XKR9: variants seen among roughly 807,000 people sequenced by gnomAD.
XKR9 encodes the protein XK-related protein 9.
In XKR9, 32 loss-of-function variants were observed where a neutral mutation model predicts 32.0. That is an observed-to-expected ratio of 1.00 (90% CI 0.76 to 1.34). The LOEUF is 1.34. XKR9 is among the 40% of genes most tolerant of loss of function. The probability of loss-of-function intolerance (pLI) is 0.00; values close to 1 mark genes in which losing one functional copy is unlikely to be tolerated. For missense variants in XKR9, 546 were observed against 429.7 expected, an observed-to-expected ratio of 1.27 and a Z score of -2.39; for synonymous variants, 168 against 143.4, an observed-to-expected ratio of 1.17 and a Z score of -1.22.
downstream of XKR9, among the ~76,000 whole-genome samples, chr8:70,792,800 A>C (rs1476870366): frequency 6.6e-6 from 1 of 152,136 alleles, no homozygotes; most frequent in East Asian, 1.9e-4. Flanking sequence ...TCTCCTTATA[A>C]AAGACACCCC....
At chr8:70,934,967 A>ATTTAGT in the XKR9 span, among the ~76,000 whole-genome samples, 2 of 151,592 alleles carry the variant, frequency 1.3e-5, no homozygotes, top group South Asian at 2.1e-4. Context: ...ACTAAAATAT[A>ATTTAGT]AAAATCACTC....
At chr8:70,682,115 G>GA (rs1819102352) in intron 3 of XKR9, among the ~76,000 whole-genome samples, 1 of 152,126 alleles carries the variant, frequency 6.6e-6, no homozygotes, top group African/African-American at 2.4e-5. Flanking sequence ...TGTGCAGTGA[G>GA]AAAGAAGTTT....
the XKR9 span, among the ~76,000 whole-genome samples, chr8:71,026,371 G>A: frequency 6.6e-6 from 1 of 152,144 alleles, no homozygotes; most frequent in East Asian, 1.9e-4. Flanking sequence ...TAATAATTGA[G>A]ATCTTCCATA....
At chr8:70,976,315 G>T in the XKR9 span, among the ~76,000 whole-genome samples, 3 of 152,156 alleles carry the variant, frequency 2.0e-5, no homozygotes, top group Non-Finnish European at 4.4e-5. Context: ...AGTTTTCAAA[G>T]GGAATGCTTC....
chr8:70,987,493 T>A, the XKR9 span, among the ~76,000 whole-genome samples: 2 of 152,204 alleles, frequency 1.3e-5, no homozygotes, highest in South Asian at 4.1e-4. Flanking sequence ...CTCCAAATGA[T>A]CTCCTTTGGT....
the XKR9 span, among the ~76,000 whole-genome samples, chr8:70,879,888 C>G: frequency 2.6e-5 from 4 of 152,192 alleles, no homozygotes; most frequent in African/African-American, 9.7e-5. Flanking sequence ...AAAATACTGG[C>G]AAACCGAATC....
At chr8:70,686,801 T>G (rs1291368813) in intron 3 of XKR9, among the ~76,000 whole-genome samples, 4 of 152,172 alleles carry the variant, frequency 2.6e-5, no homozygotes, top group Non-Finnish European at 4.4e-5. Flanking sequence ...TGGCCTCTTT[T>G]AAAATTTTTT....
At chr8:70,904,227 C>T in the XKR9 span, among the ~76,000 whole-genome samples, 1 of 152,216 alleles carries the variant, frequency 6.6e-6, no homozygotes, top group East Asian at 1.9e-4. Context: ...GTTAAAGTCT[C>T]CCATTATTAT....
chr8:70,738,681 G>C (rs925490384), downstream of XKR9, among the ~76,000 whole-genome samples: 1 of 151,656 alleles, frequency 6.6e-6, no homozygotes, highest in African/African-American at 2.4e-5. Context: ...CTTTGTTCTC[G>C]TTGGTTTCAA....
chr8:70,830,441 G>T, the XKR9 span, among the ~76,000 whole-genome samples: 2 of 151,596 alleles, frequency 1.3e-5, no homozygotes, highest in East Asian at 3.9e-4. Context: ...AGAAATATCA[G>T]CTGAGAGTCG....
At chr8:70,935,359 G>C in the XKR9 span, among the ~76,000 whole-genome samples, 2 of 151,380 alleles carry the variant, frequency 1.3e-5, no homozygotes, top group Non-Finnish European at 3.0e-5. Flanking sequence ...TTGAACCTCT[G>C]CTTAAATTTT....
the XKR9 span, among the ~76,000 whole-genome samples, chr8:70,869,163 T>C: frequency 2.0e-5 from 3 of 152,246 alleles, no homozygotes; most frequent in African/African-American, 7.2e-5. Flanking sequence ...TTCCAAGCTC[T>C]GCCTGTTACC....
the XKR9 span, among the ~76,000 whole-genome samples, chr8:70,942,247 A>G: frequency 3.3e-5 from 5 of 152,126 alleles, no homozygotes; most frequent in African/African-American, 9.7e-5. Flanking sequence ...AATTCCTTGT[A>G]TCCTGGGAAC....
chr8:70,938,874 C>A, the XKR9 span, among the ~76,000 whole-genome samples: 3 of 151,862 alleles, frequency 2.0e-5, no homozygotes, highest in African/African-American at 7.3e-5. Flanking sequence ...ATAGATCAAC[C>A]ATTCAGCTTC....
chr8:70,947,794 T>TA, the XKR9 span, among the ~76,000 whole-genome samples: 1 of 152,234 alleles, frequency 6.6e-6, no homozygotes, highest in Non-Finnish European at 1.5e-5. Flanking sequence ...CAAGAGGGTT[T>TA]AAAATTTTTG....
At chr8:70,716,882 A>T (rs778461691) in intron 4 of XKR9, among the ~76,000 whole-genome samples, 4 of 152,178 alleles carry the variant, frequency 2.6e-5, no homozygotes, top group Non-Finnish European at 4.4e-5. Flanking sequence ...AATCAACAGC[A>T]AGTTAGTTAC....
At chr8:70,766,711 C>T (rs754511250) in intron 2 of XKR9, among the ~76,000 whole-genome samples, 30 of 152,118 alleles carry the variant, frequency 2.0e-4, no homozygotes, top group Non-Finnish European at 3.7e-4. Flanking sequence ...TTTGCCCATT[C>T]AGTATGATAT....
chr8:70,886,153 T>A, the XKR9 span, among the ~76,000 whole-genome samples: 2 of 152,206 alleles, frequency 1.3e-5, no homozygotes, highest in Admixed American at 6.5e-5. Flanking sequence ...TGGTTTTCCC[T>A]TCCTGTGTTA....
downstream of XKR9, among the ~76,000 whole-genome samples, chr8:70,792,155 G>T (rs1336441477): frequency 6.6e-6 from 1 of 152,128 alleles, no homozygotes; most frequent in Non-Finnish European, 1.5e-5. Context: ...ATCATGCAGA[G>T]TACAATAGCT....
Sources: gnomAD v4.1 joint callset for allele counts (sites outside exome capture counted in the v4.1 genomes callset) on GRCh38, gnomAD v4.1.1 for gene constraint, MANE v1.5 for transcripts, NCBI Gene and HGNC (gene_info 2026-07-23, HGNC 2026-07-21) for gene names.